The following EYS variants were observed in gnomAD, a reference collection of about 807,000 sequenced individuals.
EYS encodes the protein protein eyes shut homolog.
A neutral mutation model predicts 282.1 loss-of-function variants in EYS; 250 were observed. The ratio of observed to expected loss-of-function variants is 0.89; its 90% CI spans 0.80 to 0.98. EYS has a LOEUF of 0.98. Among genes scored for constraint, EYS ranks in the 50% least tolerant of loss-of-function variants. The probability of loss-of-function intolerance (pLI) is 0.00; values close to 1 mark genes in which losing one functional copy is unlikely to be tolerated. For synonymous variants in EYS, 1,355 were observed against 1,282.9 expected (o/e 1.06, Z -1.20); for missense variants, 4,016 against 3,709.0 (o/e 1.08, Z -2.15).
intron 32 of EYS, among the ~76,000 whole-genome samples, chr6:64,076,131 A>C (rs772378441): frequency 6.6e-6 from 1 of 152,016 alleles, no homozygotes; most frequent in African/African-American, 2.4e-5. Context: ...TTTTTTAAGT[A>C]AATGCGTGAA....
At chr6:64,315,882 C>T (rs1769938624) in intron 29 of EYS, among the ~76,000 whole-genome samples, 2 of 152,200 alleles carry the variant, frequency 1.3e-5, no homozygotes, top group Non-Finnish European at 2.9e-5. Flanking sequence ...ATCAAGTCGG[C>T]TTCATCCCTG....
intron 14 of EYS, among the ~76,000 whole-genome samples, chr6:64,963,060 C>T (rs1414725886): frequency 1.3e-5 from 2 of 152,098 alleles, no homozygotes; most frequent in Non-Finnish European, 2.9e-5. Context: ...TGTGTGCGTG[C>T]ATGTATTATT....
At chr6:64,135,839 G>T (rs1774142725) in intron 31 of EYS, among the ~76,000 whole-genome samples, 2 of 152,046 alleles carry the variant, frequency 1.3e-5, no homozygotes, top group African/African-American at 4.8e-5. Flanking sequence ...CTAGTGGAGG[G>T]TCTTGATGTT....
intron 28 of EYS, among the ~76,000 whole-genome samples, chr6:64,427,615 T>C (rs1007755713): frequency 6.6e-6 from 1 of 152,104 alleles, no homozygotes; most frequent in African/African-American, 2.4e-5. Flanking sequence ...AGATTTGATG[T>C]AAACAAAAAT....
chr6:65,537,626 T>C (rs554553173), intron 2 of EYS, among the ~76,000 whole-genome samples: 1 of 152,098 alleles, frequency 6.6e-6, no homozygotes, highest in African/African-American at 2.4e-5. Context: ...AATCAAAAAT[T>C]CATTTCAAAA....
chr6:64,157,650 G>C (rs533634961), intron 31 of EYS, among the ~76,000 whole-genome samples: 1 of 152,332 alleles, frequency 6.6e-6, no homozygotes, highest in East Asian at 1.9e-4. Flanking sequence ...GGCTAACATA[G>C]AGCTTGGGCC....
At chr6:65,190,830 T>C (rs1025000557) in intron 12 of EYS, among the ~76,000 whole-genome samples, 13 of 151,796 alleles carry the variant, frequency 8.6e-5, no homozygotes, top group African/African-American at 3.1e-4. Flanking sequence ...ACACTGGAAA[T>C]GACTACTAAT....
rs766153322 is a variant in EYS at position 64,886,803 on chromosome 6, G to C, written c.2886C>G (p.Phe962Leu). 1.6e-5 allele frequency: 24 copies of C among 1,546,398 alleles called. No individual in the cohort carries two copies. The East Asian group carries it at 4.7e-4, about 30-fold the overall frequency. Residue 962 changes from phenylalanine (F) to leucine (L), a missense_variant, in exon 19 of 43, where the codon TTC becomes TTG. By Grantham distance (22) the Phe-to-Leu change is conservative (BLOSUM62 0). Coordinates refer to ENST00000503581, the MANE Select transcript of EYS (RefSeq NM_001142800.2). ...TACATTTATTTACATCAAGTTCACA[G>C]AAGGGCCCATGGTACTCAGGTTCAC... ...CNCEPEYHGP[F>L]CELDVNKCKI...
At chr6:64,737,118 T>C (rs1047289324) in intron 22 of EYS, among the ~76,000 whole-genome samples, 5 of 152,232 alleles carry the variant, frequency 3.3e-5, no homozygotes, top group South Asian at 2.1e-4. Flanking sequence ...TGTAGCTTAC[T>C]ACCTGCATGA....
chr6:65,135,209 G>A (rs947348391), intron 12 of EYS, among the ~76,000 whole-genome samples: 13 of 151,882 alleles, frequency 8.6e-5, no homozygotes, highest in African/African-American at 2.9e-4. Context: ...TGTTTGCAAC[G>A]GTTGGAAGAG....
chr6:64,422,772 T>C (rs1260045162), intron 28 of EYS, among the ~76,000 whole-genome samples: 1 of 152,208 alleles, frequency 6.6e-6, no homozygotes, highest in African/African-American at 2.4e-5. Flanking sequence ...GTTAATCTTG[T>C]GCTACCACTT....
chr6:64,030,578 C>T (rs559444240), intron 33 of EYS, among the ~76,000 whole-genome samples: 15 of 151,716 alleles, frequency 9.9e-5, no homozygotes, highest in East Asian at 3.9e-4. Flanking sequence ...AGATGCCGCC[C>T]GGCGTTTACA....
chr6:64,703,434 T>A lies in EYS; in HGVS notation c.3444-77189A>T, dbSNP rs1332845288. Among the ~76,000 whole-genome samples the A allele has an allele frequency of 1.6e-3, 160 of 100,968 alleles. 6 individuals carry two copies. The highest frequency in any genetic ancestry group is 5.0e-3 in the African/African-American group (142 of 28,650). The allele number at this position is 100,968 out of a possible 152,430, so 66.2% of individuals were successfully genotyped here. ...ACATATATATATATATATATATTTT[T>A]TTTTTTTTTTTTTGAGATGGAGCCT... On this transcript the variant is annotated intron_variant, in intron 22 of 42. Coordinates refer to ENST00000503581, the MANE Select transcript of EYS (RefSeq NM_001142800.2).
chr6:65,506,413 A>G (rs963086976), intron 2 of EYS, among the ~76,000 whole-genome samples: 11 of 135,976 alleles, frequency 8.1e-5, no homozygotes, highest in Non-Finnish European at 1.5e-4. Flanking sequence ...ACTTCTTTTA[A>G]TGATTGTATT....
intron 22 of EYS, among the ~76,000 whole-genome samples, chr6:64,727,771 A>G (rs1032906167): frequency 1.3e-5 from 2 of 152,188 alleles, no homozygotes; most frequent in Non-Finnish European, 2.9e-5. Flanking sequence ...CATAGTATGG[A>G]CTTCATTTAT....
At chr6:65,117,010 G>C (rs1775395533) in intron 12 of EYS, among the ~76,000 whole-genome samples, 1 of 152,038 alleles carries the variant, frequency 6.6e-6, no homozygotes, top group East Asian at 1.9e-4. Flanking sequence ...CTTTTCTTTT[G>C]TCTTGAAGTT....
At chr6:65,390,503 T>C (rs964495482) in intron 7 of EYS, among the ~76,000 whole-genome samples, 2 of 151,552 alleles carry the variant, frequency 1.3e-5, no homozygotes, top group Non-Finnish European at 2.9e-5. Context: ...GGTACACAAC[T>C]GTAGAAGAAT....
At chr6:65,350,036 CTTAA>C (rs988501432) in intron 9 of EYS, among the ~76,000 whole-genome samples, 18 of 151,322 alleles carry the variant, frequency 1.2e-4, no homozygotes, top group African/African-American at 3.1e-4. Context: ...TAATTAGTGA[CTTAA>C]TTAAGAGAAT....
intron 31 of EYS, among the ~76,000 whole-genome samples, chr6:64,186,266 C>T (rs1282643327): frequency 6.6e-6 from 1 of 151,832 alleles, no homozygotes; most frequent in Non-Finnish European, 1.5e-5. Context: ...CACACACACA[C>T]ACACACACAC....
Sources: allele counts gnomAD v4.1 joint callset (sites outside exome capture counted in the v4.1 genomes callset), GRCh38; gene constraint gnomAD v4.1.1; transcripts MANE v1.5; gene names NCBI Gene and HGNC (gene_info 2026-07-23, HGNC 2026-07-21).